SERINC2: variants seen among roughly 807,000 people sequenced by gnomAD.
SERINC2 encodes the protein serine incorporator 2.
Under a neutral mutation model 54.2 loss-of-function variants are expected in SERINC2, and 56 were observed. The ratio of observed to expected loss-of-function variants is 1.03; its 90% CI spans 0.83 to 1.29. The LOEUF (loss-of-function observed/expected upper bound fraction) is 1.29, where lower values mean the gene tolerates loss of function less well. Among genes scored for constraint, SERINC2 ranks in the 50% most tolerant of loss-of-function variants. The pLI is 0.00. For synonymous variants in SERINC2, 272 were observed against 253.1 expected (o/e 1.07, Z -0.71); for missense variants, 614 against 607.4 (o/e 1.01, Z -0.12).
At chr1:31,425,236 T>C (rs766331719) in intron 3 of SERINC2, 94 bp from the exon 4 acceptor site, 21 of 926,946 alleles carry the variant, frequency 2.3e-5, no homozygotes, top group Non-Finnish European at 3.8e-5. Context: ...CACCTGCTGT[T>C]TGTGGGTGGG....
intron 8 of SERINC2, among the ~76,000 whole-genome samples, chr1:31,430,749 T>G (rs1553134335): frequency 6.6e-6 from 1 of 152,178 alleles, no homozygotes; most frequent in Non-Finnish European, 1.5e-5. Context: ...GATCATAAGA[T>G]TAGGTTTAAT....
chr1:31,421,919 C>T (rs1640910562), intron 1 of SERINC2, among the ~76,000 whole-genome samples: 1 of 152,220 alleles, frequency 6.6e-6, no homozygotes, highest in Admixed American at 6.5e-5. Context: ...CCCAGAGCCA[C>T]CTGTCTAGAA....
At chr1:31,415,959 C>T in intron 1 of SERINC2, 3 of 972,490 alleles carry the variant, frequency 3.1e-6, no homozygotes, top group Non-Finnish European at 3.7e-6. Context: ...GGGATGGGGC[C>T]ACCAGGCAAG....
intron 1 of SERINC2, chr1:31,414,607 G>A: frequency 2.0e-6 from 2 of 985,958 alleles, no homozygotes; most frequent in Non-Finnish European, 1.2e-6. Context: ...TTTCGTGTGT[G>A]TGTGTGCGTG....
intron 1 of SERINC2, chr1:31,414,520 A>C: frequency 1.0e-6 from 1 of 995,882 alleles, no homozygotes; most frequent in South Asian, 4.6e-5. Flanking sequence ...TTTACTTTAC[A>C]GCCTTTTTCT....
chr1:31,431,818 G>A lies in SERINC2; in HGVS notation c.1014-1149G>A, dbSNP rs1553134525. ...GGATAGGGTGGACAGGGTGGACAGG[G>A]TGGATAGGGTGGATAGGGTGGATAG... On this transcript the variant is annotated intron_variant, in intron 8 of 9. Transcript: ENST00000373709. Among the ~76,000 whole-genome samples, 841 of 130,486 alleles carry A rather than the reference G, an allele frequency of 6.4e-3. 30 individuals are homozygous for A. The highest frequency in any genetic ancestry group is 0.013 in the South Asian group (52 of 4,070). The allele number at this position is 130,486 out of a possible 152,430, so 85.6% of individuals were successfully genotyped here.
chr1:31,432,612 G>T (rs1203648401), intron 8 of SERINC2, among the ~76,000 whole-genome samples: 2 of 152,126 alleles, frequency 1.3e-5, no homozygotes, highest in Non-Finnish European at 2.9e-5. Context: ...AAATGGCAAA[G>T]GAACAATCCT....
In SERINC2 at chr1:31,433,007, C is replaced by A; in HGVS notation, c.1054C>A (p.Gln352Lys). The A allele has an allele frequency of 6.2e-7, 1 of 1,611,670 alleles. No individual in the cohort carries two copies. Among genetic ancestry groups the A allele is most frequent in the Non-Finnish European group, 8.5e-7 (1 of 1,179,750 alleles). Reference protein sequence around the residue: ...SDHRQVNSLMQTEECPPMLDA... With the variant: ...SDHRQVNSLMKTEECPPMLDA... ...CCACCGGCAGGTGAACAGCCTGATG[C>A]AGACCGAGGAGTGCCCACCTATGCT... Residue 352 changes from glutamine to lysine, a missense_variant, in exon 9 of 10, where the codon CAG becomes AAG. Physicochemically the swap from Gln to Lys is moderately conservative, Grantham distance 53. Transcript: ENST00000373709.
At position 31,426,694 on chromosome 1, in the gene SERINC2, C is replaced by G; in HGVS notation, c.651C>G (p.Ile217Met). 6.2e-7 allele frequency: 1 copy of G among 1,613,262 alleles called. No individual in the cohort carries two copies. Among genetic ancestry groups the G allele is most frequent in the African/African-American group, 1.3e-5 (1 of 74,998 alleles). ...CTCTCCTCTTCTACTTGCTGTCGAT[C>G]GCGGCCGTGGCGCTGATGTTCATGT... ...FFTLLFYLLSIAAVALMFMYY... is the reference protein window; with the variant it reads ...FFTLLFYLLSMAAVALMFMYY... The change falls in exon 6 of 10, where the codon ATC becomes ATG. Residue 217 changes from isoleucine (I) to methionine (M), a missense_variant. Transcript: ENST00000373709.
chr1:31,414,419 G>T (rs1460692335), intron 1 of SERINC2: 4 of 1,146,298 alleles, frequency 3.5e-6, no homozygotes, highest in East Asian at 5.3e-5. Flanking sequence ...GTCCCTGACG[G>T]GTTGTGTGTG....
Position 31,428,767 on chromosome 1 carries a change from G to A in SERINC2, c.781-211G>A, listed in dbSNP as rs183003169. 2.9e-3 allele frequency among the ~76,000 whole-genome samples: 438 copies of A among 152,256 alleles called. 1 individual carries two copies. Among genetic ancestry groups the A allele is most frequent in the Non-Finnish European group, 4.9e-3 (333 of 68,010 alleles). On this transcript the variant is annotated intron_variant, in intron 6 of 9. Coordinates refer to ENST00000373709, the MANE Select transcript of SERINC2 (RefSeq NM_178865.5). Reference sequence around the variant, plus strand: ...AGCAGGGGAGGAGGGCAAGTAATCTGAGGGGTGTTAAGAGAAAGAAGAATT... The same window carrying A: ...AGCAGGGGAGGAGGGCAAGTAATCTAAGGGGTGTTAAGAGAAAGAAGAATT...
At chr1:31,432,044 TGGA>T (rs1641267705) in intron 8 of SERINC2, among the ~76,000 whole-genome samples, 1 of 130,852 alleles carries the variant, frequency 7.6e-6, no homozygotes, top group Non-Finnish European at 1.6e-5. Context: ...GTGGACAGGG[TGGA>T]CAGGGTGGAC....
upstream of SERINC2, among the ~76,000 whole-genome samples, chr1:31,411,154 C>T (rs1304847151): frequency 1.3e-5 from 2 of 152,102 alleles, no homozygotes; most frequent in African/African-American, 4.8e-5. Flanking sequence ...TCTTGGGTGG[C>T]TCACAGTCCC....
chr1:31,416,373 T>C (rs3862890), intron 1 of SERINC2, among the ~76,000 whole-genome samples: 73,192 of 152,078 alleles, frequency 0.48, 18,278 homozygotes, highest in East Asian at 0.79. Context: ...CCCCAGGAGA[T>C]CATTTTACAG....
chr1:31,424,348 C>T (rs1224294273), intron 2 of SERINC2, among the ~76,000 whole-genome samples: 1 of 152,228 alleles, frequency 6.6e-6, no homozygotes, highest in Non-Finnish European at 1.5e-5. Context: ...TTTTCCCAAG[C>T]ATCTCAGATG....
rs1317252 is a variant in SERINC2, at chr1:31,424,411, A to G, written c.202-272A>G. Among the ~76,000 whole-genome samples, 857 of 152,318 alleles carry G rather than the reference A, an allele frequency of 5.6e-3. 64 individuals are homozygous for G. In the East Asian group the frequency reaches 0.14, roughly 25 times the overall value. On this transcript the variant is annotated intron_variant, in intron 2 of 9. Coordinates refer to ENST00000373709, the MANE Select transcript of SERINC2 (RefSeq NM_178865.5). ...CACTTTGGGAACCACTGCTTTAGAC[A>G]GCGCAATAGTTTCTGAGGCTGTGGG... is the stretch of plus-strand genomic sequence containing the variant.
upstream of SERINC2, among the ~76,000 whole-genome samples, chr1:31,412,000 C>CGAA (rs1640657596): frequency 2.2e-5 from 1 of 44,504 alleles, no homozygotes; most frequent in Non-Finnish European, 3.9e-5. Flanking sequence ...GACCCTGTCT[C>CGAA]AAAAAAAAAA....
chr1:31,422,741 G>C (rs1477490083), intron 1 of SERINC2, among the ~76,000 whole-genome samples: 1 of 152,168 alleles, frequency 6.6e-6, no homozygotes, highest in African/African-American at 2.4e-5. Context: ...TCTGGATGTG[G>C]GGCCTGTTTC....
Position 31,434,055 on chromosome 1 carries a change from G to A in SERINC2, c.1233-9G>A, listed in dbSNP as rs1641397091. On this transcript the variant is annotated splice_polypyrimidine_tract_variant and intron_variant, in intron 9 of 9. Coordinates refer to ENST00000373709, the MANE Select transcript of SERINC2 (RefSeq NM_178865.5). ...GCACCAGGCTCATGGGGAAGATGGT[G>A]TGTTCCAGGCCCGGTGAGACCCGGA... 1.9e-6 allele frequency: 3 copies of A among 1,613,132 alleles called. No homozygotes were observed. Among genetic ancestry groups the A allele is most frequent in the Non-Finnish European group, 2.5e-6 (3 of 1,179,502 alleles).
Sources: allele counts gnomAD v4.1 joint callset (sites outside exome capture counted in the v4.1 genomes callset), GRCh38; gene constraint gnomAD v4.1.1; transcripts MANE v1.5; gene names NCBI Gene and HGNC (gene_info 2026-07-23, HGNC 2026-07-21).